Variants in C11orf65 observed in about 807,000 individuals in gnomAD.
C11orf65 encodes chromosome 11 open reading frame 65.
Under a neutral mutation model 35.3 loss-of-function variants are expected in C11orf65, and 38 were observed. The ratio of observed to expected loss-of-function variants is 1.08; its 90% CI spans 0.83 to 1.41. The LOEUF is 1.41. C11orf65 is among the 40% of genes most tolerant of loss of function. C11orf65 has a pLI of 0.00. For missense variants in C11orf65, 370 were observed against 367.1 expected, an observed-to-expected ratio of 1.01 and a Z score of -0.06; for synonymous variants, 105 against 114.4, an observed-to-expected ratio of 0.92 and a Z score of 0.53.
At position 108,393,426 on chromosome 11, in the gene C11orf65, T is replaced by C. The variant is rs546131610; in HGVS notation, c.561-48A>G. 11 of 1,521,806 alleles carry C rather than the reference T, an allele frequency of 7.2e-6. No individual in the cohort carries two copies. The South Asian group carries it at 1.2e-4, about 17-fold the overall frequency. The allele number at this position is 1,521,806 out of a possible 1,614,324, so 94.3% of individuals were successfully genotyped here. A position where few individuals can be genotyped will look rare whatever the true frequency, so the allele number is the denominator to read the frequency against. ...GAAGTAAATCTTTTGAAATAGGAGA[T>C]TACAAGTAGATACAGGCAATATATA... is the stretch of plus-strand genomic sequence containing the variant. On this transcript the variant is annotated intron_variant, in intron 6 of 8. Coordinates refer to ENST00000393084, the MANE Select transcript of C11orf65 (RefSeq NM_152587.5).
chr11:108,443,720 C>T (rs1467574468), intron 2 of C11orf65, among the ~76,000 whole-genome samples: 2 of 152,130 alleles, frequency 1.3e-5, no homozygotes, highest in Non-Finnish European at 2.9e-5. Context: ...TGAATGACTA[C>T]TGGGTACATA....
intron 3 of C11orf65, among the ~76,000 whole-genome samples, chr11:108,410,403 T>G (rs2092633074): frequency 6.6e-6 from 1 of 152,232 alleles, no homozygotes; most frequent in African/African-American, 2.4e-5. Flanking sequence ...TGGCTTTTAT[T>G]TGCATAGTGG....
downstream of C11orf65, among the ~76,000 whole-genome samples, chr11:108,382,252 T>C (rs951404419): frequency 4.6e-5 from 7 of 152,178 alleles, no homozygotes; most frequent in African/African-American, 1.4e-4. Context: ...GGGTAATTTA[T>C]TATGCAGTGA....
intron 6 of C11orf65, among the ~76,000 whole-genome samples, chr11:108,397,312 CT>C (rs1319668619): frequency 1.5e-5 from 2 of 130,998 alleles, no homozygotes; most frequent in African/African-American, 5.7e-5. Context: ...GAGCAAGACT[CT>C]TTCTCAAAAA....
At chr11:108,442,488 C>T (rs1485023698) in intron 2 of C11orf65, among the ~76,000 whole-genome samples, 1 of 152,170 alleles carries the variant, frequency 6.6e-6, no homozygotes. Context: ...CACAAAGATA[C>T]TCCTCGAGAA....
intron 2 of C11orf65, among the ~76,000 whole-genome samples, chr11:108,443,777 C>T (rs189688262): frequency 1.3e-5 from 2 of 152,022 alleles, no homozygotes; most frequent in African/African-American, 2.4e-5. Flanking sequence ...CCAACCAGAA[C>T]AAAGACACAA....
intron 6 of C11orf65, chr11:108,312,322 GT>G: frequency 1.0e-6 from 1 of 996,560 alleles, no homozygotes; most frequent in African/African-American, 1.6e-5. Context: ...ACCTTCATTA[GT>G]TTTTTTCTGT....
chr11:108,421,474 G>C (rs1327748199), intron 3 of C11orf65, among the ~76,000 whole-genome samples: 2 of 152,108 alleles, frequency 1.3e-5, no homozygotes, highest in Non-Finnish European at 2.9e-5. Context: ...TGACCAACAT[G>C]GTGAAACCCT....
Position 108,374,066 on chromosome 11 carries a change from C to A in C11orf65, c.226+19142G>T, listed in dbSNP as rs187575670. 3.7e-3 allele frequency among the ~76,000 whole-genome samples: 562 copies of A among 152,220 alleles called. 5 individuals carry two copies. The Middle Eastern group carries it at 0.071, about 19-fold the overall frequency. On this transcript the variant is annotated intron_variant, in intron 2 of 3. Coordinates refer to the C11orf65 transcript ENST00000524755. ...GCCCACCACAGCTCAAGGAGGCCTG[C>A]CTGCCTCTGTAGGCTCAGAAACCTC... is the stretch of plus-strand genomic sequence containing the variant.
chr11:108,467,038 G>GA (rs2093549074), intron 1 of C11orf65, among the ~76,000 whole-genome samples: 1 of 152,092 alleles, frequency 6.6e-6, no homozygotes, highest in South Asian at 2.1e-4. Flanking sequence ...TAAAAAAACT[G>GA]AAAAGACGTA....
intron 2 of C11orf65, among the ~76,000 whole-genome samples, chr11:108,440,840 C>T (rs79897707): frequency 0.01 from 1,594 of 152,240 alleles, 31 homozygotes; most frequent in African/African-American, 0.036. Flanking sequence ...GAAAATATGA[C>T]CGATAGGAAG....
intron 6 of C11orf65, chr11:108,319,925 T>G (rs771588132): frequency 1.9e-5 from 29 of 1,493,022 alleles, no homozygotes; most frequent in Non-Finnish European, 2.5e-5. Context: ...TGTTTTTAAG[T>G]ATATTTTTTT....
intron 2 of C11orf65, chr11:108,355,956 A>G (rs181317493): frequency 3.7e-4 from 56 of 152,336 alleles, no homozygotes; most frequent in African/African-American, 1.2e-3. Context: ...AGATTTTGCT[A>G]CAAGGAGTTT....
At chr11:108,439,055 G>C (rs1007180223) in intron 2 of C11orf65, among the ~76,000 whole-genome samples, 1 of 151,962 alleles carries the variant, frequency 6.6e-6, no homozygotes, top group Non-Finnish European at 1.5e-5. Context: ...TAACAAGAGA[G>C]TAAAAGGGCA....
chr11:108,411,120 G>C (rs1312043754), intron 3 of C11orf65, among the ~76,000 whole-genome samples: 3 of 151,922 alleles, frequency 2.0e-5, no homozygotes, highest in Admixed American at 2.0e-4. Flanking sequence ...TGCATTTAGA[G>C]GTATAAATTT....
At chr11:108,395,401 T>C (rs1250992270) in intron 6 of C11orf65, among the ~76,000 whole-genome samples, 1 of 151,460 alleles carries the variant, frequency 6.6e-6, no homozygotes, top group Non-Finnish European at 1.5e-5. Flanking sequence ...CTCGGCTCAC[T>C]GCAACCTCCA....
chr11:108,395,639 G>C (rs1009870839), intron 6 of C11orf65, among the ~76,000 whole-genome samples: 3 of 48,332 alleles, frequency 6.2e-5, no homozygotes, highest in African/African-American at 3.3e-4. Flanking sequence ...TTTTTTTTTT[G>C]AGATGGAATC....
At chr11:108,395,931 A>T (rs1409826683) in intron 6 of C11orf65, among the ~76,000 whole-genome samples, 1 of 151,536 alleles carries the variant, frequency 6.6e-6, no homozygotes, top group African/African-American at 2.4e-5. Context: ...AAAATTTTTT[A>T]AAATAATAAT....
At chr11:108,419,291 T>C (rs1248700946) in intron 3 of C11orf65, among the ~76,000 whole-genome samples, 4 of 152,274 alleles carry the variant, frequency 2.6e-5, no homozygotes, top group Non-Finnish European at 5.9e-5. Flanking sequence ...GTACCTATTC[T>C]AGGAACGCTA....
Sources: allele counts gnomAD v4.1 joint callset (sites outside exome capture counted in the v4.1 genomes callset), GRCh38; gene constraint gnomAD v4.1.1; transcripts MANE v1.5; gene names NCBI Gene and HGNC (gene_info 2026-07-23, HGNC 2026-07-21).